Variants in ZNF664 observed in about 807,000 individuals in gnomAD.
The protein encoded by ZNF664 is zinc finger protein 664, also known as zinc finger Organ of Corti 1.
ZNF664 carries 10 observed loss-of-function variants against 18.2 expected under a neutral mutation model. The observed-to-expected ratio is 0.55, with a 90% confidence interval of 0.34 to 0.93. The LOEUF (loss-of-function observed/expected upper bound fraction) is 0.93, where lower values mean the gene tolerates loss of function less well. Among genes scored for constraint, ZNF664 ranks in the 40% least tolerant of loss-of-function variants. The pLI is 0.02. For synonymous variants in ZNF664, 119 were observed against 104.2 expected, an observed-to-expected ratio of 1.14 and a Z score of -0.86; for missense variants, 193 against 319.0, an observed-to-expected ratio of 0.61 and a Z score of 3.01.
At position 124,014,924 on chromosome 12, in the gene ZNF664, T is replaced by C. The variant is rs777510899; in HGVS notation, c.*1994T>C. 7.8e-5 allele frequency: 13 copies of C among 167,114 alleles called. No homozygotes were observed. The highest frequency in any genetic ancestry group is 5.9e-5 in the Non-Finnish European group (4 of 68,128). 10.4% of individuals were successfully genotyped at this position (167,114 alleles called of 1,614,324 possible). A position where few individuals can be genotyped will look rare whatever the true frequency, so the allele number is the denominator to read the frequency against. On this transcript the variant is annotated 3_prime_UTR_variant, in exon 5 of 5. Coordinates refer to ENST00000337815, the MANE Select transcript of ZNF664 (RefSeq NM_152437.3). ...GGTAAGTCACTTCAGATACTTTTCC[T>C]CCTTTTTACAAAGAGAGGGCTGGCT...
chr12:123,973,812 T>G (rs1956636539), intron 1 of ZNF664, 74 bp from the exon 2 acceptor site: 9 of 1,185,140 alleles, frequency 7.6e-6, no homozygotes, highest in Non-Finnish European at 9.4e-6. Context: ...GAGGCGGTCA[T>G]GGCCGCGCCA....
At chr12:123,983,693 T>C (rs958692684) in intron 2 of ZNF664, among the ~76,000 whole-genome samples, 7 of 152,220 alleles carry the variant, frequency 4.6e-5, no homozygotes, top group Admixed American at 6.5e-5. Context: ...TTTCAAAATA[T>C]CACTTTTGGA....
At chr12:124,009,219 T>G (rs1443956091) in intron 3 of ZNF664, among the ~76,000 whole-genome samples, 1 of 152,236 alleles carries the variant, frequency 6.6e-6, no homozygotes, top group Non-Finnish European at 1.5e-5. Context: ...TGTGATTTCT[T>G]TGCAGCTTAT....
intron 2 of ZNF664, among the ~76,000 whole-genome samples, chr12:123,976,922 T>C (rs1459910101): frequency 6.6e-6 from 1 of 151,696 alleles, no homozygotes; most frequent in Non-Finnish European, 1.5e-5. Context: ...CTACTAAAAA[T>C]ACAAAAAATT....
chr12:124,006,772 G>A (rs1166905584), intron 3 of ZNF664, among the ~76,000 whole-genome samples: 4 of 152,170 alleles, frequency 2.6e-5, no homozygotes, highest in African/African-American at 7.2e-5. Flanking sequence ...TGCTGGGGGC[G>A]TTCCTGAGCT....
At chr12:123,988,372 T>G (rs1956849000) in intron 3 of ZNF664, among the ~76,000 whole-genome samples, 1 of 152,238 alleles carries the variant, frequency 6.6e-6, no homozygotes, top group Non-Finnish European at 1.5e-5. Flanking sequence ...GTCCAACTCT[T>G]TTTGTTCCCT....
intron 3 of ZNF664, among the ~76,000 whole-genome samples, chr12:123,999,838 C>T (rs1003510451): frequency 7.2e-5 from 11 of 152,180 alleles, no homozygotes. Context: ...AAGAGCAGAG[C>T]TAGCTGCAGG....
Position 123,974,028 on chromosome 12 carries a change from G to A in ZNF664, c.-757+8G>A. On this transcript the variant is annotated splice_region_variant and intron_variant, in intron 2 of 4. Coordinates refer to ENST00000337815, the MANE Select transcript of ZNF664 (RefSeq NM_152437.3). ...GGCCGGATTCTCACCCAGGTAAACCGGCTGCCGGCGCTGTCCACTTCCCTC... is the reference window on the plus strand; with the variant it reads ...GGCCGGATTCTCACCCAGGTAAACCAGCTGCCGGCGCTGTCCACTTCCCTC... The A allele has an allele frequency of 1.0e-6, 1 of 1,004,174 alleles. No homozygotes were observed. Among genetic ancestry groups the A allele is most frequent in the Non-Finnish European group, 1.3e-6 (1 of 788,334 alleles). 62.2% of individuals were successfully genotyped at this position (1,004,174 alleles called of 1,614,324 possible).
At chr12:124,008,495 G>T (rs946336150) in intron 3 of ZNF664, among the ~76,000 whole-genome samples, 1 of 152,182 alleles carries the variant, frequency 6.6e-6, no homozygotes, top group African/African-American at 2.4e-5. Context: ...TTCATGGTTT[G>T]AATCAGGTGT....
intron 3 of ZNF664, among the ~76,000 whole-genome samples, chr12:124,007,145 C>T (rs749785677): frequency 1.4e-4 from 22 of 152,120 alleles, no homozygotes; most frequent in Non-Finnish European, 2.9e-4. Context: ...TTTCTTTTTC[C>T]TACAGAATGC....
chr12:124,012,260 G>T lies in ZNF664; in HGVS notation c.116G>T (p.Gly39Val). The T allele has an allele frequency of 6.2e-7, 1 of 1,614,178 alleles. No individual in the cohort carries two copies. Among genetic ancestry groups the T allele is most frequent in the Non-Finnish European group, 8.5e-7 (1 of 1,180,046 alleles). The change falls in exon 5 of 5, where the codon GGT (glycine) becomes GTT (valine). Residue 39 changes from glycine (G) to valine (V), a missense_variant. Physicochemically the swap from Gly to Val is moderately radical, Grantham distance 109. Coordinates refer to ENST00000337815, the MANE Select transcript of ZNF664 (RefSeq NM_152437.3). ...CATAAATGTGACAAGTGTGATAAGG[G>T]TTTCTTTCATATATCAGAACTTCAT... is the stretch of plus-strand genomic sequence containing the variant. ...KPHKCDKCDKGFFHISELHIH... is the reference protein window; with the variant it reads ...KPHKCDKCDKVFFHISELHIH...
chr12:124,005,353 C>T lies in ZNF664; in HGVS notation c.-660-6028C>T, dbSNP rs188023763. ...GTTGAATGACCACAGGTCACATACT[C>T]GGTGCTGGCAGTCTTACCATAACAT... On this transcript the variant is annotated intron_variant, in intron 3 of 4. Transcript: ENST00000337815. 5.3e-5 allele frequency among the ~76,000 whole-genome samples: 8 copies of T among 152,272 alleles called. No homozygotes were observed. The East Asian group carries it at 7.7e-4, about 15-fold the overall frequency.
chr12:123,997,944 T>TA (rs2138402401), intron 3 of ZNF664: 1 of 152,148 alleles, frequency 6.6e-6, no homozygotes, highest in East Asian at 1.9e-4. Flanking sequence ...AAGGAAAAAA[T>TA]ACGTGTTAAG....
In ZNF664 at chr12:124,014,721, A is replaced by G. The variant is rs1379883892; in HGVS notation, c.*1791A>G. ...AGTTTGATTTTTCTTTCCATATTTG[A>G]ATTAATTTTTTCTGTTTGACTGGAA... On this transcript the variant is annotated 3_prime_UTR_variant, in exon 5 of 5. Coordinates refer to ENST00000337815, the MANE Select transcript of ZNF664 (RefSeq NM_152437.3). The G allele has an allele frequency of 6.0e-6, 1 of 167,040 alleles. No homozygotes were observed. The highest frequency in any genetic ancestry group is 2.4e-5 in the African/African-American group (1 of 41,444). 10.3% of individuals were successfully genotyped at this position (167,040 alleles called of 1,614,324 possible). A position where few individuals can be genotyped will look rare whatever the true frequency, so the allele number is the denominator to read the frequency against.
chr12:123,978,149 A>G (rs1714913038), intron 2 of ZNF664, among the ~76,000 whole-genome samples: 1 of 152,148 alleles, frequency 6.6e-6, no homozygotes, highest in South Asian at 2.1e-4. Flanking sequence ...ATAAAAATTT[A>G]TTCTTTAGGA....
Position 124,012,848 on chromosome 12 carries a change from C to T in ZNF664, c.704C>T (p.Ala235Val). ...TTCAAATGTGATGAGTGCGGAAAGG[C>T]CTTCAGTCAGAGTACGAGCCTCTGC... ...KPFKCDECGK[A>V]FSQSTSLCIH... Residue 235 changes from alanine (A) to valine (V), a missense_variant, in exon 5 of 5, where the codon GCC (alanine) becomes GTC (valine). Ala to Val is a moderately conservative substitution (Grantham distance 64). Coordinates refer to ENST00000337815, the MANE Select transcript of ZNF664 (RefSeq NM_152437.3). The T allele has an allele frequency of 6.2e-7, 1 of 1,613,998 alleles. No homozygotes were observed.
intron 2 of ZNF664, among the ~76,000 whole-genome samples, chr12:123,978,155 T>C (rs546309737): frequency 6.6e-6 from 1 of 151,836 alleles, no homozygotes; most frequent in East Asian, 1.9e-4. Flanking sequence ...ATTTATTCTT[T>C]AGGAAGAGAA....
At chr12:124,006,384 G>A (rs1452812556) in intron 3 of ZNF664, among the ~76,000 whole-genome samples, 1 of 152,142 alleles carries the variant, frequency 6.6e-6, no homozygotes, top group African/African-American at 2.4e-5. Context: ...CAGCCTTCAA[G>A]GGAAACCAGC....
intron 2 of ZNF664, among the ~76,000 whole-genome samples, chr12:123,985,258 T>G (rs1269290196): frequency 6.6e-6 from 1 of 152,232 alleles, no homozygotes; most frequent in African/African-American, 2.4e-5. Flanking sequence ...TTTTTGCTTT[T>G]TTGTTTTTAA....
Sources: gnomAD v4.1 joint callset for allele counts (sites outside exome capture counted in the v4.1 genomes callset) on GRCh38, gnomAD v4.1.1 for gene constraint, MANE v1.5 for transcripts, NCBI Gene and HGNC (gene_info 2026-07-23, HGNC 2026-07-21) for gene names.